Variants in TP53BP1 observed in about 807,000 individuals in gnomAD.
TP53BP1 encodes TP53-binding protein 1.
TP53BP1 carries 61 observed loss-of-function variants against 200.8 expected under a neutral mutation model. That is an observed-to-expected ratio of 0.30 (90% CI 0.25 to 0.38). TP53BP1 has a LOEUF of 0.38. Among genes scored for constraint, TP53BP1 ranks in the 10% least tolerant of loss-of-function variants. The pLI, the probability that TP53BP1 is intolerant of heterozygous loss-of-function variation, is 1.00. For missense variants in TP53BP1, 2,144 were observed against 2,371.9 expected, an observed-to-expected ratio of 0.90 and a Z score of 2.00; for synonymous variants, 822 against 844.3, an observed-to-expected ratio of 0.97 and a Z score of 0.46.
At chr15:43,410,203 G>C (rs1230778041) in intron 24 of TP53BP1, among the ~76,000 whole-genome samples, 2 of 151,898 alleles carry the variant, frequency 1.3e-5, no homozygotes, top group Non-Finnish European at 1.5e-5. Flanking sequence ...ATATATGAAG[G>C]GTTTATTATA....
At chr15:43,415,367 C>T in intron 23 of TP53BP1, 1 of 638,736 alleles carries the variant, frequency 1.6e-6, no homozygotes. Flanking sequence ...CGCCACCACA[C>T]TCAGCTAATT....
At chr15:43,432,013 T>C (rs905180501) in intron 17 of TP53BP1, among the ~76,000 whole-genome samples, 181 bp downstream of exon 17, 5 of 152,236 alleles carry the variant, frequency 3.3e-5, no homozygotes, top group Admixed American at 2.0e-4. Context: ...CTAATGGCTA[T>C]AGCTACCCAC....
chr15:43,458,490 G>A (rs1042112604), intron 11 of TP53BP1, among the ~76,000 whole-genome samples: 3 of 150,856 alleles, frequency 2.0e-5, no homozygotes, highest in African/African-American at 4.9e-5. Flanking sequence ...GTCAGGCATC[G>A]TGGCTCAGCC....
intron 1 of TP53BP1, among the ~76,000 whole-genome samples, chr15:43,502,677 T>C (rs1161567817): frequency 6.6e-6 from 1 of 151,184 alleles, no homozygotes; most frequent in Non-Finnish European, 1.5e-5. Context: ...GCCAAAATGG[T>C]CTCAATCTCC....
intron 1 of TP53BP1, among the ~76,000 whole-genome samples, chr15:43,498,334 C>T (rs539128305): frequency 6.6e-6 from 1 of 152,286 alleles, no homozygotes; most frequent in African/African-American, 2.4e-5. Flanking sequence ...TTCACCAACT[C>T]AACCAAGTGA....
intron 15 of TP53BP1, chr15:43,441,294 A>G (rs2045920562): frequency 2.5e-6 from 1 of 407,856 alleles, no homozygotes; most frequent in Non-Finnish European, 4.4e-6. Context: ...TCACATGAAC[A>G]AAAGTAAAGA....
At position 43,456,620 on chromosome 15, in the gene TP53BP1, C is replaced by G. The variant is rs1422565351; in HGVS notation, c.1988G>C (p.Gly663Ala). 1 of 1,614,126 alleles carries G rather than the reference C, an allele frequency of 6.2e-7. No individual in the cohort carries two copies. Among genetic ancestry groups the G allele is most frequent in the East Asian group, 2.2e-5 (1 of 44,882 alleles). Residue 663 changes from glycine to alanine, a missense_variant, in exon 12 of 28, where the codon GGG becomes GCG. By Grantham distance (60) the Gly-to-Ala change is moderately conservative. Transcript: ENST00000382044. ...TTCTTCCACCTCAGACCCTGAAGAC[C>G]CCTCCTCTGGATGGTGTTCTTTAAT... ...MEIKEHHPEE[G>A]SSGSEVEEIP...
chr15:43,438,291 G>A (rs761301283), intron 16 of TP53BP1, 33 bp downstream of exon 16: 1 of 1,590,700 alleles, frequency 6.3e-7, no homozygotes, highest in Admixed American at 1.7e-5. Flanking sequence ...TGAACCAATG[G>A]AGCCCAAAAG....
intron 7 of TP53BP1, among the ~76,000 whole-genome samples, chr15:43,478,398 G>T (rs376399052): frequency 1.3e-5 from 2 of 152,136 alleles, no homozygotes; most frequent in Non-Finnish European, 1.5e-5. Context: ...TCACTGTTAT[G>T]CTGAGTGTTT....
chr15:43,495,429 G>T (rs889363905), upstream of TP53BP1, among the ~76,000 whole-genome samples: 1 of 151,416 alleles, frequency 6.6e-6, no homozygotes, highest in Non-Finnish European at 1.5e-5. Context: ...AACCCTGGAG[G>T]CGTAGGTTAC....
chr15:43,435,431 C>A (rs770407084), intron 16 of TP53BP1, among the ~76,000 whole-genome samples: 2 of 152,008 alleles, frequency 1.3e-5, no homozygotes, highest in Non-Finnish European at 2.9e-5. Flanking sequence ...CAAGGTTAAA[C>A]AATATAACCA....
intron 6 of TP53BP1, 127 bp from the exon 7 acceptor site, chr15:43,479,653 G>A: frequency 8.4e-7 from 1 of 1,193,804 alleles, no homozygotes; most frequent in South Asian, 1.6e-5. Context: ...ACAGGCATCA[G>A]TCTATAAAGG....
intron 4 of TP53BP1, among the ~76,000 whole-genome samples, chr15:43,484,501 C>A (rs145017727): frequency 1.2e-3 from 181 of 152,232 alleles, no homozygotes; most frequent in Non-Finnish European, 1.9e-3. Context: ...TGCTCAAAAC[C>A]CTTAAATGTC....
At chr15:43,426,395 A>G (rs888056933) in intron 18 of TP53BP1, among the ~76,000 whole-genome samples, 1 of 142,244 alleles carries the variant, frequency 7.0e-6, no homozygotes. Context: ...GGCCAAGATC[A>G]GGCCACTGCA....
intron 17 of TP53BP1, 46 bp downstream of exon 17, chr15:43,432,148 A>T (rs1566929540): frequency 2.6e-6 from 4 of 1,561,738 alleles, no homozygotes; most frequent in Non-Finnish European, 3.5e-6. Context: ...GAGAATCCTG[A>T]AAGTTAAAAA....
At position 43,408,953 on chromosome 15, in the gene TP53BP1, G is replaced by A; in HGVS notation, c.5544C>T (p.Tyr1848=). The A allele has an allele frequency of 2.5e-6, 4 of 1,614,184 alleles. No homozygotes were observed. Among genetic ancestry groups the A allele is most frequent in the Non-Finnish European group, 2.5e-6 (3 of 1,180,036 alleles). ...ACCCAGCTGGCAACAGATAATTACG[G>A]TAGTTCTGGAGCTGGTTGGCATGGC... ...DSCHANQLQN[Y]RNYLLPAGYS... is the part of the protein sequence containing the mutation. The change falls in exon 26 of 28, where the codon TAC becomes TAT. Residue 1848 remains tyrosine (Y), a synonymous_variant. Coordinates refer to ENST00000382044, the MANE Select transcript of TP53BP1 (RefSeq NM_001141980.3).
chr15:43,459,673 T>C (rs2046384358), intron 11 of TP53BP1, among the ~76,000 whole-genome samples: 1 of 152,020 alleles, frequency 6.6e-6, no homozygotes, highest in Admixed American at 6.6e-5. Flanking sequence ...TTTTTTCTTT[T>C]TTTTTTTTAA....
chr15:43,505,583 T>G (rs944301313), intron 1 of TP53BP1, among the ~76,000 whole-genome samples: 3 of 152,224 alleles, frequency 2.0e-5, no homozygotes, highest in African/African-American at 7.2e-5. Context: ...TCCTTTGCAA[T>G]GCTCTGCAGG....
chr15:43,464,693 C>G (rs1028294491), intron 11 of TP53BP1, among the ~76,000 whole-genome samples: 3 of 151,834 alleles, frequency 2.0e-5, no homozygotes, highest in African/African-American at 7.3e-5. Flanking sequence ...CACCTGAGGT[C>G]GGGAGTTCAA....
Sources: allele counts gnomAD v4.1 joint callset (sites outside exome capture counted in the v4.1 genomes callset), GRCh38; gene constraint gnomAD v4.1.1; transcripts MANE v1.5; gene names NCBI Gene and HGNC (gene_info 2026-07-23, HGNC 2026-07-21).